TMEM117: variants seen among roughly 807,000 people sequenced by gnomAD.
The protein encoded by TMEM117 is transmembrane protein 117.
TMEM117 carries 27 observed loss-of-function variants against 52.4 expected under a neutral mutation model. The observed-to-expected ratio is 0.51, with a 90% CI of 0.38 to 0.71. The LOEUF is 0.71. TMEM117 is among the 30% of genes least tolerant of loss of function. The pLI, the probability that TMEM117 is intolerant of heterozygous loss-of-function variation, is 0.00. For missense variants in TMEM117, 556 were observed against 630.5 expected (o/e 0.88, Z 1.26); for synonymous variants, 215 against 206.3 (o/e 1.04, Z -0.36).
chr12:44,356,807 G>A (rs1951655290), intron 6 of TMEM117, among the ~76,000 whole-genome samples: 1 of 152,090 alleles, frequency 6.6e-6, no homozygotes, highest in African/African-American at 2.4e-5. Flanking sequence ...TCTTCACCAT[G>A]TCTTGTCTGG....
intron 6 of TMEM117, among the ~76,000 whole-genome samples, chr12:44,329,918 A>T (rs998786225): frequency 7.2e-5 from 11 of 152,112 alleles, no homozygotes; most frequent in African/African-American, 2.7e-4. Context: ...CTATCCATGG[A>T]CACTTGGGTT....
intron 4 of TMEM117, among the ~76,000 whole-genome samples, chr12:44,198,907 A>G (rs971868835): frequency 5.3e-5 from 8 of 152,120 alleles, no homozygotes; most frequent in Middle Eastern, 3.2e-3. Context: ...AAATGGAGTC[A>G]TTTTTCATAC....
chr12:44,017,216 ATTAT>A (rs1394412690), intron 3 of TMEM117, among the ~76,000 whole-genome samples: 2 of 119,500 alleles, frequency 1.7e-5, no homozygotes, highest in Non-Finnish European at 3.3e-5. Context: ...AGGAGAAAGC[ATTAT>A]TTATGAAGCC....
intron 3 of TMEM117, among the ~76,000 whole-genome samples, chr12:44,028,373 A>C (rs899069174): frequency 5.9e-5 from 9 of 152,236 alleles, no homozygotes; most frequent in Non-Finnish European, 4.4e-5. Context: ...CATCTTGAAT[A>C]GGAGCTGGGT....
At chr12:43,939,659 C>A (rs368679461) in intron 2 of TMEM117, among the ~76,000 whole-genome samples, 12 of 152,204 alleles carry the variant, frequency 7.9e-5, no homozygotes, top group Non-Finnish European at 1.8e-4. Flanking sequence ...GGGATCTACT[C>A]AGGTCATTGT....
At chr12:44,374,919 A>G (rs1276320677) in intron 6 of TMEM117, among the ~76,000 whole-genome samples, 1 of 152,144 alleles carries the variant, frequency 6.6e-6, no homozygotes, top group Non-Finnish European at 1.5e-5. Context: ...TATGCAGGGC[A>G]AGTGAAAGGT....
chr12:43,999,300 C>A (rs1018850608), intron 3 of TMEM117, among the ~76,000 whole-genome samples: 3 of 152,142 alleles, frequency 2.0e-5, no homozygotes, highest in African/African-American at 4.8e-5. Context: ...AAAAAGGTTT[C>A]TTTTAAAATG....
intron 6 of TMEM117, among the ~76,000 whole-genome samples, chr12:44,331,951 TTTAA>T (rs1431397148): frequency 3.9e-5 from 6 of 152,058 alleles, no homozygotes; most frequent in East Asian, 1.9e-4. Flanking sequence ...CAAAAATAAA[TTTAA>T]TTAATTAAGA....
chr12:44,392,738 T>C (rs2138884315), downstream of TMEM117, among the ~76,000 whole-genome samples: 1 of 147,348 alleles, frequency 6.8e-6, no homozygotes, highest in South Asian at 2.3e-4. Context: ...GTGTTCTCAT[T>C]GTTCAGTTCC....
At chr12:44,171,012 T>C (rs1258239126) in intron 4 of TMEM117, among the ~76,000 whole-genome samples, 1 of 148,744 alleles carries the variant, frequency 6.7e-6, no homozygotes, top group Non-Finnish European at 1.5e-5. Context: ...TTAACAAATA[T>C]CTTTTTTTTT....
At chr12:44,015,817 AAT>A (rs1946365495) in intron 3 of TMEM117, among the ~76,000 whole-genome samples, 1 of 152,230 alleles carries the variant, frequency 6.6e-6, no homozygotes, top group East Asian at 1.9e-4. Context: ...AACAAAAACA[AAT>A]ATTATACACC....
the TMEM117 span, among the ~76,000 whole-genome samples, chr12:43,803,085 T>C: frequency 1.3e-5 from 2 of 152,194 alleles, no homozygotes; most frequent in East Asian, 1.9e-4. Context: ...AGTGAAGTTA[T>C]AGCCTCAATG....
intron 3 of TMEM117, among the ~76,000 whole-genome samples, chr12:44,124,386 C>T (rs1028429403): frequency 7.2e-5 from 11 of 152,144 alleles, no homozygotes; most frequent in South Asian, 4.1e-4. Flanking sequence ...TATTTGAATA[C>T]GCTTTATTTA....
At position 43,891,057 on chromosome 12, in the gene TMEM117, C is replaced by T. The variant is rs73282462; in HGVS notation, c.277+46129C>T. ...ATGCATGTGGAGGGCCATCCTCCTC[C>T]ACACCCACTAGCTTCTTACTTTACT... is the stretch of plus-strand genomic sequence containing the variant. On this transcript the variant is annotated intron_variant, in intron 2 of 7. Transcript: ENST00000266534. Among the ~76,000 whole-genome samples the T allele has an allele frequency of 4.2e-3, 634 of 152,142 alleles. 6 individuals carry two copies. Among genetic ancestry groups the T allele is most frequent in the African/African-American group, 0.015 (611 of 41,492 alleles).
chr12:44,209,170 C>T (rs1293026453), intron 4 of TMEM117, among the ~76,000 whole-genome samples: 1 of 151,974 alleles, frequency 6.6e-6, no homozygotes, highest in African/African-American at 2.4e-5. Context: ...GCAATTTCTT[C>T]CTCTAGAGAA....
At chr12:44,171,106 C>T (rs1409308148) in intron 4 of TMEM117, among the ~76,000 whole-genome samples, 2 of 151,088 alleles carry the variant, frequency 1.3e-5, no homozygotes, top group Non-Finnish European at 3.0e-5. Context: ...AGCTCCACCT[C>T]CCGGGTTCAC....
At chr12:43,929,260 T>C (rs1364308701) in intron 2 of TMEM117, among the ~76,000 whole-genome samples, 2 of 152,188 alleles carry the variant, frequency 1.3e-5, no homozygotes, top group African/African-American at 4.8e-5. Context: ...TTTAGTTCTT[T>C]ACTCCTTTTT....
At chr12:44,077,059 A>T (rs1338655750) in intron 3 of TMEM117, among the ~76,000 whole-genome samples, 1 of 152,200 alleles carries the variant, frequency 6.6e-6, no homozygotes, top group Non-Finnish European at 1.5e-5. Context: ...GTACAGTCTC[A>T]TACTCACCAG....
At chr12:44,050,827 A>G (rs1247343523) in intron 3 of TMEM117, among the ~76,000 whole-genome samples, 1 of 152,218 alleles carries the variant, frequency 6.6e-6, no homozygotes, top group Non-Finnish European at 1.5e-5. Flanking sequence ...TTAGGAATTT[A>G]CATCAGTAAA....
Sources: gnomAD v4.1 joint callset for allele counts (sites outside exome capture counted in the v4.1 genomes callset) on GRCh38, gnomAD v4.1.1 for gene constraint, MANE v1.5 for transcripts, NCBI Gene and HGNC (gene_info 2026-07-23, HGNC 2026-07-21) for gene names.